PGBD2: variants seen among roughly 807,000 people sequenced by gnomAD.
PGBD2 encodes the protein piggyBac transposable element-derived protein 2.
PGBD2 carries 6 observed loss-of-function variants against 8.1 expected under a neutral mutation model. The observed-to-expected ratio is 0.74, with a 90% CI of 0.40 to 1.46. The LOEUF (loss-of-function observed/expected upper bound fraction) is 1.46. Among genes scored for constraint, PGBD2 ranks in the 40% most tolerant of loss-of-function variants. The pLI, the probability that PGBD2 is intolerant of heterozygous loss-of-function variation, is 0.02. For missense variants in PGBD2, 802 were observed against 739.0 expected, an observed-to-expected ratio of 1.09 and a Z score of -0.99; for synonymous variants, 318 against 272.2, an observed-to-expected ratio of 1.17 and a Z score of -1.66.
chr1:248,907,257 C>T (rs191901577), intron 1 of PGBD2, among the ~76,000 whole-genome samples: 1 of 152,310 alleles, frequency 6.6e-6, no homozygotes, highest in East Asian at 1.9e-4. Context: ...TTCTCTCTGC[C>T]CAAACATTTC....
At chr1:248,893,232 GAACATTC>G in the PGBD2 span, among the ~76,000 whole-genome samples, 2 of 152,214 alleles carry the variant, frequency 1.3e-5, no homozygotes, top group South Asian at 4.1e-4. Flanking sequence ...TTTTCGATAA[GAACATTC>G]AACATGAGAA....
At chr1:248,903,528 A>G (rs1335146923), upstream of PGBD2, among the ~76,000 whole-genome samples, 1 of 152,200 alleles carries the variant, frequency 6.6e-6, no homozygotes, top group Non-Finnish European at 1.5e-5. Context: ...ATCCTTAATC[A>G]TACATAGTGC....
intron 1 of PGBD2, among the ~76,000 whole-genome samples, chr1:248,907,476 G>GACCTTTT (rs1306900476): frequency 6.6e-6 from 1 of 152,218 alleles, no homozygotes; most frequent in Non-Finnish European, 1.5e-5. Flanking sequence ...CCTCAGCACA[G>GACCTTTT]ACGGGTGTCG....
chr1:248,922,585 CTA>C (rs1662309112), downstream of PGBD2, among the ~76,000 whole-genome samples: 1 of 152,144 alleles, frequency 6.6e-6, no homozygotes, highest in South Asian at 2.1e-4. Context: ...ATGATATTGG[CTA>C]TGAGTTTGTC....
At chr1:248,925,703 G>T in the PGBD2 span, among the ~76,000 whole-genome samples, 16 of 151,598 alleles carry the variant, frequency 1.1e-4, no homozygotes, top group Admixed American at 1.1e-3. Context: ...TGTTTTCTTA[G>T]GATAATAAGG....
chr1:248,922,093 T>C (rs1320055536), downstream of PGBD2, among the ~76,000 whole-genome samples: 1 of 150,224 alleles, frequency 6.7e-6, no homozygotes, highest in Non-Finnish European at 1.5e-5. Context: ...AGAGTCTCAC[T>C]CTGTTGCCCA....
chr1:248,917,251 CT>C lies in PGBD2; in HGVS notation c.668del (p.Leu223GlnfsTer30). 4 of 1,614,148 alleles carry C rather than the reference CT, an allele frequency of 2.5e-6. No individual in the cohort carries two copies. The highest frequency in any genetic ancestry group is 3.4e-6 in the Non-Finnish European group (4 of 1,180,038). On this transcript the variant is annotated frameshift_variant, in exon 3 of 3. Coordinates refer to ENST00000329291, the MANE Select transcript of PGBD2 (RefSeq NM_170725.3). LOFTEE classifies it low-confidence loss of function (END_TRUNC). The stretch of plus-strand genomic sequence containing the variant: ...TGCAATTAGAAGGGACAGATTTGAA[CT>C]AATCTTCTCATACTTACATTTTGCA... ...ADAIRRDRFE[L>X]IFSYLHFADN...
chr1:248,883,850 G>A, the PGBD2 span, among the ~76,000 whole-genome samples: 340 of 152,008 alleles, frequency 2.2e-3, 10 homozygotes, highest in East Asian at 0.061. Context: ...GCCCGCCTCG[G>A]CCTCCCAAAG....
chr1:248,879,655 C>T, the PGBD2 span, among the ~76,000 whole-genome samples: 1 of 152,148 alleles, frequency 6.6e-6, no homozygotes, highest in African/African-American at 2.4e-5. Flanking sequence ...TCACTTCAGC[C>T]TCCTAAAGTG....
At chr1:248,891,253 T>C in the PGBD2 span, among the ~76,000 whole-genome samples, 1 of 152,196 alleles carries the variant, frequency 6.6e-6, no homozygotes, top group Admixed American at 6.5e-5. Flanking sequence ...GCCCTGCCTG[T>C]AGCCAACTAG....
At chr1:248,907,387 T>C (rs1391212083) in intron 1 of PGBD2, among the ~76,000 whole-genome samples, 1 of 152,212 alleles carries the variant, frequency 6.6e-6, no homozygotes, top group Admixed American at 6.5e-5. Context: ...TACGGAGACA[T>C]TCAGTTCCCA....
the PGBD2 span, among the ~76,000 whole-genome samples, chr1:248,876,708 T>C: frequency 7.9e-4 from 121 of 152,346 alleles, no homozygotes; most frequent in African/African-American, 2.7e-3. Context: ...TTATCCGTAT[T>C]TATTTTAGTT....
intron 1 of PGBD2, among the ~76,000 whole-genome samples, chr1:248,906,736 T>G (rs1661653153): frequency 6.9e-6 from 1 of 144,612 alleles, no homozygotes; most frequent in African/African-American, 2.6e-5. Context: ...CGTCACATCC[T>G]GGGGCGGGGT....
chr1:248,918,193 C>G lies in PGBD2; in HGVS notation c.1609C>G (p.Arg537Gly). ...TGCTGACACAACATCTCAAGGGAGG[C>G]GAAGCAGGCGGTTGGAGACTGAGAG... ...SNADTTSQGRRSRRLETESRF... is the reference protein window; with the variant it reads ...SNADTTSQGRGSRRLETESRF... The change falls in exon 3 of 3, where the codon CGA (arginine) becomes GGA (glycine). Residue 537 changes from arginine to glycine, a missense_variant. By Grantham distance (125) the Arg-to-Gly change is moderately radical (BLOSUM62 -2). Coordinates refer to ENST00000329291, the MANE Select transcript of PGBD2 (RefSeq NM_170725.3). The G allele has an allele frequency of 6.2e-7, 1 of 1,614,088 alleles. No homozygotes were observed. Among genetic ancestry groups the G allele is most frequent in the Non-Finnish European group, 8.5e-7 (1 of 1,180,028 alleles).
At chr1:248,877,510 G>A in the PGBD2 span, among the ~76,000 whole-genome samples, 30 of 152,152 alleles carry the variant, frequency 2.0e-4, no homozygotes, top group South Asian at 5.8e-3. Flanking sequence ...TCCCAATGCC[G>A]TACAGAAGCT....
In PGBD2 at chr1:248,919,014, C is replaced by A. The variant is rs1363101326; in HGVS notation, c.*651C>A. 1 of 166,958 alleles carries A rather than the reference C, an allele frequency of 6.0e-6. No homozygotes were observed. Among genetic ancestry groups the A allele is most frequent in the Non-Finnish European group, 1.5e-5 (1 of 68,092 alleles). 10.3% of individuals were successfully genotyped at this position (166,958 alleles called of 1,614,324 possible). ...GTTACATGAGATATTCTGATACAAA[C>A]ATGCAATGTATAAAAATCACATCAG... On this transcript the variant is annotated 3_prime_UTR_variant, in exon 3 of 3. Coordinates refer to ENST00000329291, the MANE Select transcript of PGBD2 (RefSeq NM_170725.3).
chr1:248,911,506 C>A (rs1661874115), intron 1 of PGBD2, among the ~76,000 whole-genome samples: 1 of 146,342 alleles, frequency 6.8e-6, no homozygotes, highest in South Asian at 2.1e-4. Flanking sequence ...AAAAGTCTCC[C>A]ATGTCTACTT....
chr1:248,883,877 A>G, the PGBD2 span, among the ~76,000 whole-genome samples: 26 of 152,170 alleles, frequency 1.7e-4, no homozygotes, highest in African/African-American at 3.1e-4. Context: ...GATTACAGGC[A>G]TGAGCCACCG....
upstream of PGBD2, among the ~76,000 whole-genome samples, chr1:248,901,926 A>T (rs1249577019): frequency 3.3e-5 from 5 of 152,208 alleles, no homozygotes; most frequent in Non-Finnish European, 7.3e-5. Context: ...GAACAAAAAC[A>T]AACAGCCCCA....
Sources: allele counts gnomAD v4.1 joint callset (sites outside exome capture counted in the v4.1 genomes callset), GRCh38; gene constraint gnomAD v4.1.1; transcripts MANE v1.5; gene names NCBI Gene and HGNC (gene_info 2026-07-23, HGNC 2026-07-21).